Variants in ZPBP observed in about 807,000 individuals in gnomAD.
ZPBP encodes the protein zona pellucida binding protein, also known as zona pellucida-binding protein 1.
A neutral mutation model predicts 44.8 loss-of-function variants in ZPBP; 26 were observed. The observed-to-expected ratio is 0.58, with a 90% confidence interval of 0.43 to 0.81. The LOEUF is 0.81. Among genes scored for constraint, ZPBP ranks in the 30% least tolerant of loss-of-function variants. ZPBP has a pLI of 0.00. For missense variants in ZPBP, 409 were observed against 434.0 expected (o/e 0.94, Z 0.51); for synonymous variants, 174 against 153.2 (o/e 1.14, Z -1.00).
intron 5 of ZPBP, among the ~76,000 whole-genome samples, chr7:50,029,918 C>T (rs889628275): frequency 3.9e-5 from 6 of 152,158 alleles, no homozygotes; most frequent in Admixed American, 6.5e-5. Context: ...TGCAGTGGCA[C>T]GATCTCGGCT....
intron 5 of ZPBP, among the ~76,000 whole-genome samples, chr7:50,020,886 T>G (rs1562850615): frequency 6.6e-6 from 1 of 152,086 alleles, no homozygotes. Context: ...AGTCAGTAGC[T>G]AACCACAAAG....
intron 7 of ZPBP, 148 bp downstream of exon 7, chr7:49,983,194 G>T: frequency 1.3e-6 from 1 of 752,022 alleles, no homozygotes; most frequent in Non-Finnish European, 2.1e-6. Flanking sequence ...CACATCTTTA[G>T]ATTCACTTTT....
At chr7:49,840,765 A>T in the ZPBP span, among the ~76,000 whole-genome samples, 1 of 151,714 alleles carries the variant, frequency 6.6e-6, no homozygotes, top group African/African-American at 2.4e-5. Context: ...ATTCAAGAAA[A>T]CTCTCCAAAA....
At chr7:49,940,962 T>C (rs1336051413) in intron 7 of ZPBP, among the ~76,000 whole-genome samples, 2 of 152,112 alleles carry the variant, frequency 1.3e-5, no homozygotes, top group East Asian at 3.9e-4. Flanking sequence ...GGAGTGAGCC[T>C]CTTAGAGAAG....
chr7:49,863,426 CT>C (rs1562738579), intron 2 of ZPBP, among the ~76,000 whole-genome samples: 1 of 151,932 alleles, frequency 6.6e-6, no homozygotes, highest in Non-Finnish European at 1.5e-5. Context: ...TTCTCTCTCC[CT>C]TTTTTTCTTT....
At chr7:49,980,141 TTATATTATAATTA>T (rs1374532746) in intron 7 of ZPBP, among the ~76,000 whole-genome samples, 3 of 111,066 alleles carry the variant, frequency 2.7e-5, no homozygotes, top group Admixed American at 1.2e-4. Context: ...TATATTATAT[TTATATTATAATTA>T]TATATTATAT....
At chr7:49,975,494 T>C (rs1796472365) in intron 7 of ZPBP, among the ~76,000 whole-genome samples, 2 of 152,212 alleles carry the variant, frequency 1.3e-5, no homozygotes, top group African/African-American at 4.8e-5. Context: ...CCCTCTCATG[T>C]ACTGGGCTTT....
chr7:49,985,143 T>A (rs1315928970), intron 6 of ZPBP, among the ~76,000 whole-genome samples: 1 of 152,230 alleles, frequency 6.6e-6, no homozygotes, highest in East Asian at 1.9e-4. Flanking sequence ...CTGAGCTACC[T>A]GAATAGGCTC....
At chr7:49,891,019 C>G (rs1464376020) in intron 2 of ZPBP, among the ~76,000 whole-genome samples, 1 of 152,038 alleles carries the variant, frequency 6.6e-6, no homozygotes, top group East Asian at 1.9e-4. Context: ...AGATTTAAGC[C>G]AAATATATTC....
Position 49,953,045 on chromosome 7 carries a change from A to G in ZPBP, c.962-15423T>C, listed in dbSNP as rs553283848. ...GTAACTCTTTGGAAATAAGAAACAA[A>G]AGATGTGAGCCCTACAATTGTGAGC... On this transcript the variant is annotated intron_variant, in intron 7 of 7. Coordinates refer to ENST00000046087, the MANE Select transcript of ZPBP (RefSeq NM_007009.3). Among the ~76,000 whole-genome samples, 18 of 152,228 alleles carry G rather than the reference A, an allele frequency of 1.2e-4. No individual in the cohort carries two copies. In the South Asian group the frequency reaches 3.5e-3, roughly 30 times the overall value.
At chr7:50,044,512 A>C (rs1800251447) in intron 4 of ZPBP, among the ~76,000 whole-genome samples, 1 of 152,206 alleles carries the variant, frequency 6.6e-6, no homozygotes. Context: ...CAGAAATACA[A>C]ACTACCATCA....
intron 3 of ZPBP, among the ~76,000 whole-genome samples, chr7:50,074,664 G>A (rs978702060): frequency 6.6e-6 from 1 of 151,098 alleles, no homozygotes; most frequent in Non-Finnish European, 1.5e-5. Flanking sequence ...AACTATCAGA[G>A]AAAAAAAATG....
chr7:50,081,279 A>G (rs894742763), intron 3 of ZPBP, among the ~76,000 whole-genome samples: 2 of 151,804 alleles, frequency 1.3e-5, no homozygotes, highest in African/African-American at 4.8e-5. Flanking sequence ...TGCAAAAATG[A>G]CTGAACAGAT....
intron 7 of ZPBP, chr7:49,942,203 CT>C (rs35925654): frequency 3.1e-4 from 13 of 42,132 alleles, no homozygotes; most frequent in South Asian, 1.4e-3. Flanking sequence ...AATGATTTCT[CT>C]TTTTTTGCAT....
intron 6 of ZPBP, among the ~76,000 whole-genome samples, chr7:50,001,340 T>C (rs1236168125): frequency 6.6e-6 from 1 of 152,194 alleles, no homozygotes; most frequent in Non-Finnish European, 1.5e-5. Flanking sequence ...AATTTTCTCC[T>C]GGAGGCTTTT....
chr7:49,897,218 C>A (rs572623818), intron 2 of ZPBP, among the ~76,000 whole-genome samples: 18 of 152,138 alleles, frequency 1.2e-4, no homozygotes, highest in Non-Finnish European at 2.1e-4. Context: ...TTTAAAAACT[C>A]AAACTCAATA....
At chr7:50,054,274 T>C (rs1047581522) in intron 4 of ZPBP, among the ~76,000 whole-genome samples, 3 of 151,754 alleles carry the variant, frequency 2.0e-5, no homozygotes, top group Non-Finnish European at 2.9e-5. Flanking sequence ...AAAAAAAAAT[T>C]GAAACTTCTG....
chr7:49,987,915 A>T (rs2128785747), intron 6 of ZPBP, among the ~76,000 whole-genome samples: 1 of 152,288 alleles, frequency 6.6e-6, no homozygotes, highest in East Asian at 1.9e-4. Context: ...AGCCTTAAAG[A>T]CTATTGGTAA....
At chr7:50,002,527 C>T in intron 6 of ZPBP, among the ~76,000 whole-genome samples, 1 of 152,146 alleles carries the variant, frequency 6.6e-6, no homozygotes, top group East Asian at 1.9e-4. Flanking sequence ...CCAGCTCATT[C>T]TCATGTATTT....
Sources: gnomAD v4.1 joint callset for allele counts (sites outside exome capture counted in the v4.1 genomes callset) on GRCh38, gnomAD v4.1.1 for gene constraint, MANE v1.5 for transcripts, NCBI Gene and HGNC (gene_info 2026-07-23, HGNC 2026-07-21) for gene names.